Variants in RPL29 observed in about 807,000 individuals in gnomAD.
RPL29 encodes large ribosomal subunit protein eL29.
RPL29 carries 4 observed loss-of-function variants against 7.2 expected under a neutral mutation model. The observed-to-expected ratio is 0.55, with a 90% confidence interval of 0.27 to 1.26. The LOEUF (loss-of-function observed/expected upper bound fraction) is 1.26. RPL29 is among the 50% of genes most tolerant of loss of function. The pLI, the probability that RPL29 is intolerant of heterozygous loss-of-function variation, is 0.11. For missense variants in RPL29, 148 were observed against 209.1 expected, an observed-to-expected ratio of 0.71 and a Z score of 1.80; for synonymous variants, 73 against 72.8, an observed-to-expected ratio of 1.00 and a Z score of -0.01.
Position 51,994,112 on chromosome 3 carries a change from G to A in RPL29, c.117C>T (p.Phe39=). 1.3e-6 allele frequency: 2 copies of A among 1,597,048 alleles called. No homozygotes were observed. The highest frequency in any genetic ancestry group is 1.7e-6 in the Non-Finnish European group (2 of 1,171,268). ...YESLKGVDPK[F]LRNMRFAKKH... ...TCTTGGCAAAGCGCATGTTCCTCAGGAACTTGGGGTCCACCTGAAAAGCAG... is the reference window on the plus strand; with the variant it reads ...TCTTGGCAAAGCGCATGTTCCTCAGAAACTTGGGGTCCACCTGAAAAGCAG... Residue 39 remains phenylalanine (F), a synonymous_variant, in exon 4 of 4, where the codon TTC becomes TTT. Coordinates refer to ENST00000294189, the MANE Select transcript of RPL29 (RefSeq NM_000992.3).
chr3:51,995,595 C>G (rs1195877217), intron 1 of RPL29, 126 bp from the exon 2 acceptor site: 1 of 895,914 alleles, frequency 1.1e-6, no homozygotes, highest in Non-Finnish European at 1.8e-6. Flanking sequence ...TCGGCTTACT[C>G]TGCACGACCA....
chr3:51,994,278 A>C (rs552038054), intron 3 of RPL29, 152 bp from the exon 4 acceptor site: 2 of 1,054,066 alleles, frequency 1.9e-6, no homozygotes, highest in South Asian at 3.5e-5. Context: ...TTTCCAGAGA[A>C]AGTGTACCAC....
At chr3:51,995,832 C>T (rs998654308) in intron 1 of RPL29, 25 bp downstream of exon 1, 6 of 302,648 alleles carry the variant, frequency 2.0e-5, no homozygotes, top group African/African-American at 1.1e-4. Flanking sequence ...CGGATGGCAT[C>T]GGATGCCGCG....
chr3:51,994,416 G>A (rs1467418083), intron 3 of RPL29: 7 of 396,234 alleles, frequency 1.8e-5, no homozygotes, highest in Non-Finnish European at 2.7e-5. Context: ...GCAGGGGTTC[G>A]ACCAAGTTTT....
intron 3 of RPL29, 85 bp from the exon 4 acceptor site, chr3:51,994,211 T>G (rs1701287183): frequency 2.0e-6 from 3 of 1,467,656 alleles, no homozygotes; most frequent in Non-Finnish European, 1.8e-6. Flanking sequence ...TACCCAGCAT[T>G]CTAAAGACAG....
rs1701286054 is a variant in RPL29 at position 51,994,070 on chromosome 3, G to A, written c.159C>T (p.Gly53=). The change falls in exon 4 of 4, where the codon GGC becomes GGT. Residue 53 remains glycine (G), a synonymous_variant. Transcript: ENST00000294189. Reference sequence around the variant, plus strand: ...CATTGTTGGCCTGCATCTTCTTTAGGCCCTTTTTGTTGTGCTTCTTGGCAA... The same window carrying A: ...CATTGTTGGCCTGCATCTTCTTTAGACCCTTTTTGTTGTGCTTCTTGGCAA... ...MRFAKKHNKK[G]LKKMQANNAK... is the part of the protein sequence containing the mutation. The A allele has an allele frequency of 5.0e-6, 8 of 1,603,488 alleles. No homozygotes were observed. The highest frequency in any genetic ancestry group is 6.8e-6 in the Non-Finnish European group (8 of 1,178,364).
In RPL29 at chr3:51,994,713, C is replaced by A. The variant is rs544293377; in HGVS notation, c.102+329G>T. On this transcript the variant is annotated intron_variant, in intron 3 of 3. Coordinates refer to ENST00000294189, the MANE Select transcript of RPL29 (RefSeq NM_000992.3). Reference sequence around the variant, plus strand: ...CTCCAGCACTGGGTCAGATGGAGGTCATAAGGCTGGTCAGTGTGGGAATGT... The same window carrying A: ...CTCCAGCACTGGGTCAGATGGAGGTAATAAGGCTGGTCAGTGTGGGAATGT... The A allele has an allele frequency of 3.4e-4, 222 of 644,602 alleles. No individual in the cohort carries two copies. The South Asian group carries it at 3.6e-3, about 10-fold the overall frequency. 39.9% of individuals were successfully genotyped at this position (644,602 alleles called of 1,614,324 possible).
intron 2 of RPL29, 122 bp downstream of exon 2, chr3:51,995,303 T>C: frequency 3.4e-6 from 4 of 1,170,360 alleles, no homozygotes; most frequent in East Asian, 2.4e-5. Flanking sequence ...CTAAAGTTAT[T>C]ACTGGGTGAA....
chr3:51,994,923 G>T, intron 3 of RPL29, 119 bp downstream of exon 3: 1 of 879,342 alleles, frequency 1.1e-6, no homozygotes, highest in Non-Finnish European at 2.0e-6. Flanking sequence ...GCAGGCTTTG[G>T]GTGGGCCAGT....
Position 51,995,476 on chromosome 3 carries a change from G to A in RPL29, c.-8-7C>T, listed in dbSNP as rs746364820. ...GACTTGGCCATGTCTGCACCTGGAAGACAAAAGTGGAGATCAGGGTTAAGG... is the reference window on the plus strand; with the variant it reads ...GACTTGGCCATGTCTGCACCTGGAAAACAAAAGTGGAGATCAGGGTTAAGG... On this transcript the variant is annotated splice_region_variant and splice_polypyrimidine_tract_variant and intron_variant, in intron 1 of 3. Coordinates refer to ENST00000294189, the MANE Select transcript of RPL29 (RefSeq NM_000992.3). 4 of 1,613,876 alleles carry A rather than the reference G, an allele frequency of 2.5e-6. No homozygotes were observed. The highest frequency in any genetic ancestry group is 2.2e-5 in the East Asian group (1 of 44,882).
chr3:51,995,170 T>C (rs1375168142), intron 2 of RPL29, 64 bp from the exon 3 acceptor site: 2 of 1,409,884 alleles, frequency 1.4e-6, no homozygotes, highest in East Asian at 4.6e-5. Context: ...CCACCCAACA[T>C]CACAGCTGGC....
chr3:51,994,980 G>A (rs552125807), intron 3 of RPL29, 62 bp downstream of exon 3: 1 of 1,413,272 alleles, frequency 7.1e-7, no homozygotes, highest in East Asian at 2.3e-5. Flanking sequence ...AACTACATGA[G>A]AGGCCTTGAC....
rs770316484 is a variant in RPL29, at chr3:51,993,720, T to C, written c.*29A>G. 1.7e-5 allele frequency: 26 copies of C among 1,549,864 alleles called. No homozygotes were observed. The highest frequency in any genetic ancestry group is 2.7e-5 in the African/African-American group (2 of 73,612). ...GGGCGGGGGTGGGGGGTCGCACCAG[T>C]CCTTCTGTCCTCATGTTGGCAGAGA... On this transcript the variant is annotated 3_prime_UTR_variant, in exon 4 of 4. Coordinates refer to ENST00000294189, the MANE Select transcript of RPL29 (RefSeq NM_000992.3).
chr3:51,995,309 G>A (rs999558088), intron 2 of RPL29, 116 bp downstream of exon 2: 20 of 1,206,838 alleles, frequency 1.7e-5, no homozygotes, highest in South Asian at 8.7e-5. Flanking sequence ...TTATTACTGG[G>A]TGAAATCAAT....
chr3:51,995,547 T>TGGGGG, intron 1 of RPL29, 78 bp from the exon 2 acceptor site: 1 of 1,394,280 alleles, frequency 7.2e-7, no homozygotes, highest in Non-Finnish European at 1.0e-6. Flanking sequence ...CTGGTCAGAA[T>TGGGGG]GAGCCTGCAG....
intron 3 of RPL29, 166 bp from the exon 4 acceptor site, chr3:51,994,292 C>T: frequency 1.1e-6 from 1 of 901,548 alleles, no homozygotes; most frequent in Non-Finnish European, 1.6e-6. Flanking sequence ...GTACCACCAC[C>T]CCAGGGAGCC....
intron 1 of RPL29, 185 bp from the exon 2 acceptor site, chr3:51,995,654 A>C: frequency 3.3e-6 from 2 of 612,970 alleles, no homozygotes; most frequent in Middle Eastern, 4.4e-4. Context: ...CCTGAAATCA[A>C]CTCCTTACCC....
At chr3:51,994,744 G>T in intron 3 of RPL29, 1 of 689,482 alleles carries the variant, frequency 1.5e-6, no homozygotes. Flanking sequence ...AATGTGCCCT[G>T]CACGCACTCA....
Position 51,993,630 on chromosome 3 carries a change from C to G in RPL29, c.*119G>C, listed in dbSNP as rs1701274930. The G allele has an allele frequency of 9.1e-7, 1 of 1,094,438 alleles. No individual in the cohort carries two copies. The highest frequency in any genetic ancestry group is 1.6e-5 in the African/African-American group (1 of 63,830). The allele number at this position is 1,094,438 out of a possible 1,614,324, so 67.8% of individuals were successfully genotyped here. On this transcript the variant is annotated 3_prime_UTR_variant, in exon 4 of 4. Transcript: ENST00000294189. Reference sequence around the variant, plus strand: ...GATCATAGACAGAGGCTAACAAATCCTGCCTCAGGTTTATTTGTACAAATA... The same window carrying G: ...GATCATAGACAGAGGCTAACAAATCGTGCCTCAGGTTTATTTGTACAAATA...
Sources: allele counts gnomAD v4.1 joint callset, GRCh38; gene constraint gnomAD v4.1.1; transcripts MANE v1.5; gene names NCBI Gene and HGNC (gene_info 2026-07-23, HGNC 2026-07-21).